Variants in PHF14 observed in about 807,000 individuals in gnomAD.
PHF14 encodes the protein PHD finger protein 14.
In PHF14, 55 loss-of-function variants were observed where a neutral mutation model predicts 117.9. The ratio of observed to expected loss-of-function variants is 0.47; its 90% CI spans 0.38 to 0.58. The LOEUF is 0.58. Ranked by LOEUF, PHF14 falls within the 20% of genes least tolerant of loss-of-function variation. PHF14 has a pLI of 0.00. For missense variants in PHF14, 978 were observed against 1,122.2 expected, an observed-to-expected ratio of 0.87 and a Z score of 1.84; for synonymous variants, 409 against 368.6, an observed-to-expected ratio of 1.11 and a Z score of -1.26.
chr7:11,067,291 AAAAT>A (rs1785457239), intron 16 of PHF14, among the ~76,000 whole-genome samples: 1 of 152,224 alleles, frequency 6.6e-6, no homozygotes, highest in African/African-American at 2.4e-5. Flanking sequence ...AGTTATCATT[AAAAT>A]AAATAAATAA....
chr7:11,090,282 G>A (rs1395952115), intron 16 of PHF14, among the ~76,000 whole-genome samples: 1 of 152,142 alleles, frequency 6.6e-6, no homozygotes, highest in Non-Finnish European at 1.5e-5. Context: ...AAACTGGTAG[G>A]CACTCCCTGT....
At chr7:11,142,530 T>C (rs1443677888) in intron 17 of PHF14, among the ~76,000 whole-genome samples, 1 of 152,136 alleles carries the variant, frequency 6.6e-6, no homozygotes, top group Non-Finnish European at 1.5e-5. Context: ...GCCGCAAGCT[T>C]ATAACCAAGA....
chr7:11,074,274 G>A (rs1447645598), intron 16 of PHF14, among the ~76,000 whole-genome samples: 1 of 150,118 alleles, frequency 6.7e-6, no homozygotes, highest in East Asian at 2.0e-4. Context: ...GCAGTGGCAC[G>A]ATCTCAGCTC....
At chr7:11,167,817 C>T (rs1347644379) in intron 17 of PHF14, among the ~76,000 whole-genome samples, 1 of 152,116 alleles carries the variant, frequency 6.6e-6, no homozygotes, top group African/African-American at 2.4e-5. Flanking sequence ...ATCACGAGGT[C>T]AGGAGATCGA....
Position 11,148,799 on chromosome 7 carries a change from C to A in PHF14, c.2773-20617C>A, listed in dbSNP as rs1201973040. Among the ~76,000 whole-genome samples the A allele has an allele frequency of 3.9e-5, 6 of 152,242 alleles. No homozygotes were observed. In the East Asian group the frequency reaches 1.2e-3, roughly 29 times the overall value. ...GGAAGCAAAAATGTTTATTTCAATTCTAGTTAGAAGAAAAAGCGCTTTCAC... is the reference window on the plus strand; with the variant it reads ...GGAAGCAAAAATGTTTATTTCAATTATAGTTAGAAGAAAAAGCGCTTTCAC... On this transcript the variant is annotated intron_variant, in intron 17 of 17. Coordinates refer to ENST00000634607, the MANE Select transcript of PHF14 (RefSeq NM_001007157.2).
chr7:11,076,572 T>TC (rs1447034940), intron 16 of PHF14, among the ~76,000 whole-genome samples: 199 of 147,674 alleles, frequency 1.3e-3, no homozygotes, highest in Admixed American at 2.6e-3. Flanking sequence ...TTTTTCTTTT[T>TC]TTTTTTTTTT....
At chr7:11,165,495 CTT>C (rs1789175648) in intron 17 of PHF14, among the ~76,000 whole-genome samples, 1 of 152,104 alleles carries the variant, frequency 6.6e-6, no homozygotes, top group Non-Finnish European at 1.5e-5. Context: ...AGAGTTGCCT[CTT>C]TGTGTAATCC....
At chr7:11,004,461 A>G (rs1177428139) in intron 4 of PHF14, among the ~76,000 whole-genome samples, 1 of 150,810 alleles carries the variant, frequency 6.6e-6, no homozygotes, top group Non-Finnish European at 1.5e-5. Flanking sequence ...CTCTATTGTC[A>G]CTATGGTTTC....
At chr7:11,091,417 C>T (rs2906550) in intron 16 of PHF14, among the ~76,000 whole-genome samples, 71,968 of 151,658 alleles carry the variant, frequency 0.47, 17,677 homozygotes, top group East Asian at 0.85. Flanking sequence ...TAAAGGTCTA[C>T]TGAATTAGAC....
chr7:11,121,521 A>T (rs1787752580), intron 17 of PHF14, among the ~76,000 whole-genome samples: 2 of 152,130 alleles, frequency 1.3e-5, no homozygotes, highest in South Asian at 4.2e-4. Context: ...TAAACCAGTT[A>T]TTTTTTCCTA....
intron 17 of PHF14, 115 bp from the exon 18 acceptor site, chr7:11,169,301 G>T (rs1162225145): frequency 3.9e-6 from 2 of 507,550 alleles, no homozygotes; most frequent in Admixed American, 4.1e-5. Flanking sequence ...TTGTGTTTAG[G>T]ATTATTAGAA....
intron 17 of PHF14, among the ~76,000 whole-genome samples, chr7:11,113,717 T>G (rs1787517329): frequency 6.6e-6 from 1 of 152,166 alleles, no homozygotes; most frequent in African/African-American, 2.4e-5. Context: ...TTTTTCTTAC[T>G]TTGGAAGACT....
chr7:11,001,410 C>T (rs927828634), intron 4 of PHF14, among the ~76,000 whole-genome samples: 1 of 151,970 alleles, frequency 6.6e-6, no homozygotes, highest in Non-Finnish European at 1.5e-5. Flanking sequence ...ACTTTAGAGT[C>T]AGTTTGCAGT....
At chr7:11,044,350 G>A (rs1365211748) in intron 13 of PHF14, among the ~76,000 whole-genome samples, 1 of 151,980 alleles carries the variant, frequency 6.6e-6, no homozygotes, top group Non-Finnish European at 1.5e-5. Flanking sequence ...AAGAAGTAAT[G>A]TACATAGCCT....
intron 16 of PHF14, chr7:11,103,284 A>G (rs775300156): frequency 1.2e-5 from 10 of 854,246 alleles, no homozygotes; most frequent in Non-Finnish European, 1.3e-5. Flanking sequence ...GTAATACCCA[A>G]ATATATTCAG....
chr7:11,159,205 C>A (rs780581494), intron 17 of PHF14, among the ~76,000 whole-genome samples: 115 of 151,692 alleles, frequency 7.6e-4, no homozygotes, highest in Non-Finnish European at 1.3e-3. Context: ...GTTATTTATT[C>A]TAAAGTGATG....
rs181551192 is a variant in PHF14 at position 11,154,500 on chromosome 7, T to G, written c.2773-14916T>G. Among the ~76,000 whole-genome samples the G allele has an allele frequency of 2.2e-3, 336 of 152,268 alleles. 1 individual carries two copies. Among genetic ancestry groups the G allele is most frequent in the African/African-American group, 7.6e-3 (316 of 41,568 alleles). On this transcript the variant is annotated intron_variant, in intron 17 of 17. Coordinates refer to ENST00000634607, the MANE Select transcript of PHF14 (RefSeq NM_001007157.2). ...TCTTAAGTCAATTTAATAAACTATA[T>G]TTGTCTAATTTCTGTACCAAATCAT...
intron 17 of PHF14, among the ~76,000 whole-genome samples, chr7:11,155,943 A>C (rs1402120502): frequency 6.6e-6 from 1 of 152,138 alleles, no homozygotes; most frequent in African/African-American, 2.4e-5. Flanking sequence ...TATAGCCTAT[A>C]TTATGAAATA....
At chr7:11,059,496 C>G (rs1013553645) in intron 14 of PHF14, among the ~76,000 whole-genome samples, 1 of 152,188 alleles carries the variant, frequency 6.6e-6, no homozygotes, top group African/African-American at 2.4e-5. Context: ...GCCCTGTAGG[C>G]CAGGTGCAGT....
Sources: allele counts gnomAD v4.1 joint callset (sites outside exome capture counted in the v4.1 genomes callset), GRCh38; gene constraint gnomAD v4.1.1; transcripts MANE v1.5; gene names NCBI Gene and HGNC (gene_info 2026-07-23, HGNC 2026-07-21).